The following SNX10 variants were observed in gnomAD, a reference collection of about 807,000 sequenced individuals.
SNX10 encodes sorting nexin 10, also known as sorting nexin-10.
SNX10 carries 25 observed loss-of-function variants against 28.5 expected under a neutral mutation model. The observed-to-expected ratio is 0.88, with a 90% confidence interval of 0.64 to 1.22. The LOEUF is 1.22. Ranked by LOEUF, SNX10 falls within the 50% of genes most tolerant of loss-of-function variation. The pLI, the probability that SNX10 is intolerant of heterozygous loss-of-function variation, is 0.00. For synonymous variants in SNX10, 62 were observed against 81.4 expected (o/e 0.76, Z 1.28); for missense variants, 223 against 242.6 (o/e 0.92, Z 0.54).
At chr7:26,354,115 T>A (rs1584159544) in intron 2 of SNX10, 1 of 152,116 alleles carries the variant, frequency 6.6e-6, no homozygotes, top group Non-Finnish European at 1.5e-5. Context: ...TGATGGAAAA[T>A]TTTAAAAAAC....
intron 1 of SNX10, among the ~76,000 whole-genome samples, chr7:26,327,412 A>C (rs1458962964): frequency 1.3e-5 from 2 of 152,200 alleles, no homozygotes; most frequent in East Asian, 3.9e-4. Flanking sequence ...TAGTGTCTTC[A>C]TCTGGAGTGC....
At chr7:26,307,598 C>T (rs1440257428) in intron 1 of SNX10, among the ~76,000 whole-genome samples, 1 of 152,164 alleles carries the variant, frequency 6.6e-6, no homozygotes, top group Non-Finnish European at 1.5e-5. Flanking sequence ...TGGGTGCGTG[C>T]CATGAAACCC....
intron 1 of SNX10, among the ~76,000 whole-genome samples, chr7:26,339,721 A>T (rs1432057875): frequency 6.0e-5 from 9 of 150,938 alleles, no homozygotes; most frequent in Non-Finnish European, 1.3e-4. Context: ...TAATTTTTCT[A>T]TTTTTAGTAG....
At chr7:26,331,634 C>G (rs1255357806) in intron 1 of SNX10, among the ~76,000 whole-genome samples, 1 of 152,194 alleles carries the variant, frequency 6.6e-6, no homozygotes, top group Non-Finnish European at 1.5e-5. Context: ...ATACAGCTCA[C>G]TGGTGTTTGG....
chr7:26,317,778 T>G (rs553139192), intron 1 of SNX10, among the ~76,000 whole-genome samples: 241 of 150,640 alleles, frequency 1.6e-3, no homozygotes, highest in African/African-American at 5.6e-3. Context: ...TTCTCCTGCC[T>G]CAGCCTCCTG....
intron 1 of SNX10, among the ~76,000 whole-genome samples, chr7:26,294,041 G>T (rs1490125175): frequency 2.0e-5 from 3 of 152,094 alleles, no homozygotes; most frequent in Admixed American, 6.6e-5. Flanking sequence ...TTAGTGACAG[G>T]GCTGTGGTTT....
intron 1 of SNX10, among the ~76,000 whole-genome samples, chr7:26,294,280 T>C (rs1170080987): frequency 6.6e-6 from 1 of 152,198 alleles, no homozygotes; most frequent in Non-Finnish European, 1.5e-5. Context: ...GGAAGGTATA[T>C]AGTGTAGTGG....
chr7:26,319,118 C>T (rs1787212373), intron 1 of SNX10, among the ~76,000 whole-genome samples: 1 of 152,144 alleles, frequency 6.6e-6, no homozygotes, highest in African/African-American at 2.4e-5. Flanking sequence ...TATTGTACTT[C>T]TGTGGTCATA....
At position 26,323,720 on chromosome 7, in the gene SNX10, T is replaced by C. The variant is rs560167372; in HGVS notation, c.-23-22700T>C. Among the ~76,000 whole-genome samples the C allele has an allele frequency of 1.6e-4, 24 of 152,272 alleles. No individual in the cohort carries two copies. In the South Asian group the frequency reaches 4.8e-3, roughly 30 times the overall value. On this transcript the variant is annotated intron_variant, in intron 1 of 6. Coordinates refer to ENST00000338523, the MANE Select transcript of SNX10 (RefSeq NM_013322.3). ...CTGAGCGCATGGAGAATGGATCGTG[T>C]GGGGCAAGACTGCAGAGTCATTAGG... is the stretch of plus-strand genomic sequence containing the variant.
intron 1 of SNX10, among the ~76,000 whole-genome samples, chr7:26,296,679 A>G (rs1465250941): frequency 6.6e-6 from 1 of 152,186 alleles, no homozygotes; most frequent in Non-Finnish European, 1.5e-5. Flanking sequence ...CATTTTTGAA[A>G]AAGAATATTG....
intron 1 of SNX10, among the ~76,000 whole-genome samples, chr7:26,322,769 C>T (rs922900980): frequency 6.6e-6 from 1 of 152,184 alleles, no homozygotes; most frequent in Non-Finnish European, 1.5e-5. Flanking sequence ...CTTAGTGGCT[C>T]TCTTGTCCAG....
chr7:26,324,399 A>G (rs1787423683), intron 1 of SNX10, among the ~76,000 whole-genome samples: 1 of 152,172 alleles, frequency 6.6e-6, no homozygotes, highest in Non-Finnish European at 1.5e-5. Flanking sequence ...TTGCAGTGTC[A>G]CCCAGGCTAG....
intron 2 of SNX10, chr7:26,360,705 T>TTG (rs2128021638): frequency 1.8e-6 from 1 of 554,410 alleles, no homozygotes; most frequent in African/African-American, 2.0e-5. Context: ...ACAGTATACT[T>TTG]TGTCTTCAGA....
chr7:26,334,916 T>A (rs1354648990), intron 1 of SNX10, among the ~76,000 whole-genome samples: 1 of 152,220 alleles, frequency 6.6e-6, no homozygotes, highest in East Asian at 1.9e-4. Context: ...ATGGTTCTGC[T>A]TGCTCTGCAG....
At chr7:26,356,938 T>C (rs773273384) in intron 2 of SNX10, 69 of 334,230 alleles carry the variant, frequency 2.1e-4, no homozygotes, top group Non-Finnish European at 3.0e-4. Context: ...AGAACCCAAG[T>C]AGATGAGGTT....
At chr7:26,336,260 C>G (rs992992361) in intron 1 of SNX10, among the ~76,000 whole-genome samples, 15 of 150,658 alleles carry the variant, frequency 1.0e-4, no homozygotes, top group Non-Finnish European at 1.8e-4. Flanking sequence ...AATCTTTTGG[C>G]GAAATACAGA....
intron 1 of SNX10, among the ~76,000 whole-genome samples, chr7:26,346,112 C>T (rs1788376804): frequency 6.6e-6 from 1 of 152,196 alleles, no homozygotes; most frequent in Admixed American, 6.5e-5. Context: ...CCGGCATCTC[C>T]AGCTTCCTCG....
At position 26,340,960 on chromosome 7, in the gene SNX10, A is replaced by C. The variant is rs575953465; in HGVS notation, c.-23-5460A>C. ...TTGTTTTAAAATGAAAAATTCAAAC[A>C]ATGTGGAAACCAAGCCACGCCCAGC... On this transcript the variant is annotated intron_variant, in intron 1 of 6. Transcript: ENST00000338523. Among the ~76,000 whole-genome samples, 5 of 152,240 alleles carry C rather than the reference A, an allele frequency of 3.3e-5. No homozygotes were observed. In the East Asian group the frequency reaches 9.7e-4, roughly 29 times the overall value.
intron 1 of SNX10, among the ~76,000 whole-genome samples, chr7:26,338,717 T>C (rs577137907): frequency 2.0e-5 from 3 of 152,232 alleles, no homozygotes; most frequent in South Asian, 4.1e-4. Flanking sequence ...TTAGAGTTTT[T>C]AAAGACAATT....
Sources: allele counts gnomAD v4.1 joint callset (sites outside exome capture counted in the v4.1 genomes callset), GRCh38; gene constraint gnomAD v4.1.1; transcripts MANE v1.5; gene names NCBI Gene and HGNC (gene_info 2026-07-23, HGNC 2026-07-21).